The following WDR41 variants were observed in gnomAD, a reference collection of about 807,000 sequenced individuals.
WDR41 encodes the protein WD repeat-containing protein 41.
WDR41 carries 63 observed loss-of-function variants against 69.3 expected under a neutral mutation model. The ratio of observed to expected loss-of-function variants is 0.91; its 90% CI spans 0.74 to 1.12. WDR41 has a LOEUF of 1.12. WDR41 is among the 50% of genes most tolerant of loss of function. The pLI, the probability that WDR41 is intolerant of heterozygous loss-of-function variation, is 0.00. For missense variants in WDR41, 543 were observed against 534.5 expected (o/e 1.02, Z -0.16); for synonymous variants, 185 against 192.1 (o/e 0.96, Z 0.31).
Position 77,512,745 on chromosome 5 carries a change from C to CAAAAAAAAAAAAAA in WDR41, c.43-23187_43-23174dup, listed in dbSNP as rs71606301. On this transcript the variant is annotated intron_variant, in intron 1 of 5. Coordinates refer to the WDR41 transcript ENST00000509971. Reference sequence around the variant, plus strand: ...TGGCGAGAGAGCGAAGACTCCATCTCAAAAAAAAAAAAAAAAAAAAATTGG... The same window carrying CAAAAAAAAAAAAAA: ...TGGCGAGAGAGCGAAGACTCCATCTCAAAAAAAAAAAAAAAAAAAAAAAAAAAAAAAAAAATTGG... Among the ~76,000 whole-genome samples the CAAAAAAAAAAAAAA allele has an allele frequency of 5.1e-3, 377 of 73,996 alleles. 2 individuals carry two copies. The highest frequency in any genetic ancestry group is 0.022 in the Middle Eastern group (3 of 138). The allele number at this position is 73,996 out of a possible 152,430, so 48.5% of individuals were successfully genotyped here.
chr5:77,591,483 A>G (rs181467722), intron 1 of WDR41, among the ~76,000 whole-genome samples: 13 of 152,246 alleles, frequency 8.5e-5, no homozygotes, highest in Admixed American at 5.9e-4. Context: ...CATGAGATAG[A>G]TACTTAATTT....
intron 1 of WDR41, among the ~76,000 whole-genome samples, chr5:77,504,942 G>T (rs12110029): frequency 0.062 from 9,506 of 152,222 alleles, 518 homozygotes; most frequent in African/African-American, 0.15. Context: ...AAAACTGGAA[G>T]CATTCCCTTT....
chr5:77,567,098 C>T (rs561356900), intron 1 of WDR41, among the ~76,000 whole-genome samples: 1 of 152,280 alleles, frequency 6.6e-6, no homozygotes, highest in South Asian at 2.1e-4. Context: ...GCTCTATTTA[C>T]ACTGATATCG....
chr5:77,471,367 C>A (rs936654307), intron 2 of WDR41, among the ~76,000 whole-genome samples: 10 of 152,098 alleles, frequency 6.6e-5, no homozygotes, highest in Non-Finnish European at 1.3e-4. Context: ...ATTAAAAGAA[C>A]TAGAAAAGCA....
At position 77,506,335 on chromosome 5, in the gene WDR41, G is replaced by C. The variant is rs183634772; in HGVS notation, c.43-16763C>G. Among the ~76,000 whole-genome samples, 473 of 152,316 alleles carry C rather than the reference G, an allele frequency of 3.1e-3. 4 individuals are homozygous for C. Among genetic ancestry groups the C allele is most frequent in the Non-Finnish European group, 3.9e-3 (264 of 68,028 alleles). ...GAGAAATTCAAATCAAAACCACAAT[G>C]AGATACCATCTCATGCCATTAGAAT... On this transcript the variant is annotated intron_variant, in intron 1 of 5. Coordinates refer to the WDR41 transcript ENST00000509971.
Position 77,431,328 on chromosome 5 carries a change from A to G in WDR41, c.*1807T>C, listed in dbSNP as rs1798713870. Reference sequence around the variant, plus strand: ...GTATCAAGACCCTCCACCAGCAAAAAGATTATGACTCGCTGAAGGCTCAGA... The same window carrying G: ...GTATCAAGACCCTCCACCAGCAAAAGGATTATGACTCGCTGAAGGCTCAGA... On this transcript the variant is annotated 3_prime_UTR_variant, in exon 13 of 13. Transcript: ENST00000296679. 6.6e-6 allele frequency: 1 copy of G among 152,452 alleles called. No individual in the cohort carries two copies. The highest frequency in any genetic ancestry group is 2.0e-4 in the South Asian group (1 of 5,070). 9.4% of individuals were successfully genotyped at this position (152,452 alleles called of 1,614,324 possible).
At chr5:77,500,973 T>G (rs567723668) in intron 1 of WDR41, among the ~76,000 whole-genome samples, 29 of 152,192 alleles carry the variant, frequency 1.9e-4, no homozygotes, top group Middle Eastern at 3.4e-3. Flanking sequence ...AGAAGATGGG[T>G]GATTTCTGCA....
intron 1 of WDR41, among the ~76,000 whole-genome samples, chr5:77,558,884 AT>A (rs1244383655): frequency 4.7e-5 from 3 of 64,184 alleles, no homozygotes; most frequent in African/African-American, 1.4e-4. Context: ...CATTGAAAAA[AT>A]ATTTTTTTTC....
At chr5:77,471,459 A>C (rs528464724) in intron 2 of WDR41, among the ~76,000 whole-genome samples, 2 of 152,326 alleles carry the variant, frequency 1.3e-5, no homozygotes, top group South Asian at 4.1e-4. Context: ...AGACACAAAA[A>C]ACCCTTCAAA....
At chr5:77,536,509 A>G (rs1279819935) in intron 1 of WDR41, among the ~76,000 whole-genome samples, 1 of 152,190 alleles carries the variant, frequency 6.6e-6, no homozygotes, top group Admixed American at 6.5e-5. Flanking sequence ...ACGAGGAAAA[A>G]AAGACATCAC....
intron 1 of WDR41, among the ~76,000 whole-genome samples, chr5:77,503,373 A>G (rs1423015959): frequency 6.6e-6 from 1 of 152,138 alleles, no homozygotes; most frequent in Non-Finnish European, 1.5e-5. Flanking sequence ...CAGATTCATA[A>G]AGCAAGTCCT....
intron 2 of WDR41, among the ~76,000 whole-genome samples, chr5:77,471,146 G>T (rs1346795833): frequency 6.6e-6 from 1 of 152,148 alleles, no homozygotes; most frequent in Non-Finnish European, 1.5e-5. Context: ...TCAACTACAT[G>T]GAAACTGAAC....
intron 1 of WDR41, among the ~76,000 whole-genome samples, chr5:77,608,229 T>G (rs1744464404): frequency 6.6e-6 from 1 of 152,236 alleles, no homozygotes; most frequent in African/African-American, 2.4e-5. Context: ...GGTTCATCTA[T>G]GTTGTAGCAT....
chr5:77,441,044 T>C lies in WDR41; in HGVS notation c.698-47A>G, dbSNP rs190976785. 2.5e-4 allele frequency: 395 copies of C among 1,589,896 alleles called. 1 individual carries two copies. The African/African-American group carries it at 4.6e-3, about 19-fold the overall frequency. ...CTCATTATCGATCATTTTATCTATGTAAAGATATAACTGAATGGAATGTCT... is the reference window on the plus strand; with the variant it reads ...CTCATTATCGATCATTTTATCTATGCAAAGATATAACTGAATGGAATGTCT... On this transcript the variant is annotated intron_variant, in intron 8 of 12. Coordinates refer to ENST00000296679, the MANE Select transcript of WDR41 (RefSeq NM_018268.4).
chr5:77,472,720 G>A (rs1242725269), intron 2 of WDR41, among the ~76,000 whole-genome samples: 1 of 152,014 alleles, frequency 6.6e-6, no homozygotes, highest in Non-Finnish European at 1.5e-5. Flanking sequence ...CAAGGGATGG[G>A]AAGGACCTCT....
At chr5:77,609,188 A>G (rs1744489447) in intron 1 of WDR41, among the ~76,000 whole-genome samples, 1 of 152,232 alleles carries the variant, frequency 6.6e-6, no homozygotes, top group Non-Finnish European at 1.5e-5. Flanking sequence ...CAGCACAAGG[A>G]GGCCTGCCTG....
chr5:77,611,404 A>G (rs1210356481), intron 1 of WDR41, among the ~76,000 whole-genome samples: 1 of 152,256 alleles, frequency 6.6e-6, no homozygotes, highest in Non-Finnish European at 1.5e-5. Context: ...ACATAGTTGG[A>G]AGTAAAGCAC....
intron 1 of WDR41, among the ~76,000 whole-genome samples, chr5:77,542,883 G>C (rs1381322120): frequency 6.6e-6 from 1 of 152,174 alleles, no homozygotes; most frequent in Non-Finnish European, 1.5e-5. Flanking sequence ...CAGACCCCCT[G>C]ATGGAAGTGG....
intron 6 of WDR41, 57 bp from the exon 7 acceptor site, chr5:77,451,410 A>C: frequency 2.6e-6 from 4 of 1,514,016 alleles, no homozygotes; most frequent in Non-Finnish European, 3.7e-6. Context: ...TATATCAAAA[A>C]CAAAAACATT....
Sources: allele counts gnomAD v4.1 joint callset (sites outside exome capture counted in the v4.1 genomes callset), GRCh38; gene constraint gnomAD v4.1.1; transcripts MANE v1.5; gene names NCBI Gene and HGNC (gene_info 2026-07-23, HGNC 2026-07-21).